The following AGAP1 variants were observed in gnomAD, a reference collection of about 807,000 sequenced individuals.
The protein encoded by AGAP1 is ArfGAP with GTPase domain, ankyrin repeat and PH domain 1, also known as arf-GAP with GTPase, ANK repeat and PH domain-containing protein 1.
AGAP1 carries 29 observed loss-of-function variants against 105.3 expected under a neutral mutation model. The ratio of observed to expected loss-of-function variants is 0.28; its 90% CI spans 0.21 to 0.38. The LOEUF (loss-of-function observed/expected upper bound fraction) is 0.38, where lower values mean the gene tolerates loss of function less well. AGAP1 is among the 10% of genes least tolerant of loss of function. AGAP1 has a pLI of 1.00. For missense variants in AGAP1, 998 were observed against 1,165.1 expected (o/e 0.86, Z 2.09); for synonymous variants, 509 against 485.9 (o/e 1.05, Z -0.63).
chr2:235,895,427 C>T (rs2050755990), intron 10 of AGAP1, among the ~76,000 whole-genome samples: 1 of 152,166 alleles, frequency 6.6e-6, no homozygotes, highest in Non-Finnish European at 1.5e-5. Flanking sequence ...GTTATCTGGC[C>T]TCCGGGTCTT....
chr2:236,030,886 AT>A (rs758760851), intron 13 of AGAP1, among the ~76,000 whole-genome samples: 16 of 152,234 alleles, frequency 1.1e-4, no homozygotes, highest in Admixed American at 4.6e-4. Context: ...AAGGGTACAG[AT>A]TGGCAGATAT....
rs575973491 is a variant in AGAP1 at position 236,130,195 on chromosome 2, C to G, written c.*6073C>G. ...GGGCAGCCGCTCCATGTGCCCCAAA[C>G]AGGATATCCTCATGAATGTGAGGAG... is the stretch of plus-strand genomic sequence containing the variant. On this transcript the variant is annotated 3_prime_UTR_variant, in exon 18 of 18. Transcript: ENST00000304032. This position sits in a 1 kb window ranked among gnomAD's most constrained non-coding sequence, Gnocchi z 5.8. The G allele has an allele frequency of 7.9e-5, 12 of 152,400 alleles. No homozygotes were observed. Among genetic ancestry groups the G allele is most frequent in the Non-Finnish European group, 1.6e-4 (11 of 68,108 alleles). 9.4% of individuals were successfully genotyped at this position (152,400 alleles called of 1,614,324 possible).
chr2:235,807,804 G>T (rs1034253709), intron 9 of AGAP1, among the ~76,000 whole-genome samples: 1 of 152,218 alleles, frequency 6.6e-6, no homozygotes, highest in African/African-American at 2.4e-5. Context: ...CGGTGTGTCA[G>T]CTGTGCGCTC....
chr2:235,925,392 C>T (rs541821930), intron 11 of AGAP1, among the ~76,000 whole-genome samples: 53 of 152,258 alleles, frequency 3.5e-4, no homozygotes, highest in African/African-American at 1.3e-3. Context: ...AATTCTGTAG[C>T]AAAACGGCTG....
Position 235,981,261 on chromosome 2 carries a change from C to CTTAA in AGAP1, c.1645+12643_1645+12646dup, listed in dbSNP as rs946249511. 1.3e-5 allele frequency among the ~76,000 whole-genome samples: 2 copies of CTTAA among 152,108 alleles called. No homozygotes were observed. Among genetic ancestry groups the CTTAA allele is most frequent in the African/African-American group, 4.8e-5 (2 of 41,416 alleles). On this transcript the variant is annotated intron_variant, in intron 13 of 17. Coordinates refer to ENST00000304032, the MANE Select transcript of AGAP1 (RefSeq NM_001037131.3). The surrounding 1 kb of genome is among the most constrained non-coding windows in gnomAD (Gnocchi z 5.5). ...ATTTCAATAACTTGATTTGACTCTT[C>CTTAA]TTAATTAAATAAATAGGTAGCTTTG...
intron 1 of AGAP1, among the ~76,000 whole-genome samples, chr2:235,533,990 A>G (rs1411478756): frequency 1.3e-5 from 2 of 152,226 alleles, no homozygotes; most frequent in Non-Finnish European, 2.9e-5. Flanking sequence ...AGTGGGCTTC[A>G]GGGGAGCCAC....
Position 236,077,521 on chromosome 2 carries a change from A to G in AGAP1, c.2114+28240A>G, listed in dbSNP as rs191015741. Reference sequence around the variant, plus strand: ...TTTAGTAGAGACGGGGTTTCATCATATTGGTCAGGCTTGTCTCAAATTCCT... The same window carrying G: ...TTTAGTAGAGACGGGGTTTCATCATGTTGGTCAGGCTTGTCTCAAATTCCT... On this transcript the variant is annotated intron_variant, in intron 16 of 17. Coordinates refer to ENST00000304032, the MANE Select transcript of AGAP1 (RefSeq NM_001037131.3). 3.3e-4 allele frequency among the ~76,000 whole-genome samples: 50 copies of G among 152,000 alleles called. No homozygotes were observed. The East Asian group carries it at 9.1e-3, about 28-fold the overall frequency.
chr2:236,006,714 G>T lies in AGAP1; in HGVS notation c.1646-29847G>T, dbSNP rs548868324. The stretch of plus-strand genomic sequence containing the variant: ...AGAGTCTCCAACAAAGGTCTCTGTT[G>T]GAGTTACGCTTACAATGTGATAGTT... On this transcript the variant is annotated intron_variant, in intron 13 of 17. Coordinates refer to ENST00000304032, the MANE Select transcript of AGAP1 (RefSeq NM_001037131.3). 4.6e-5 allele frequency among the ~76,000 whole-genome samples: 7 copies of T among 152,230 alleles called. No individual in the cohort carries two copies. In the South Asian group the frequency reaches 1.2e-3, roughly 27 times the overall value.
At chr2:236,039,764 G>A (rs1277649846) in intron 14 of AGAP1, among the ~76,000 whole-genome samples, 1 of 152,168 alleles carries the variant, frequency 6.6e-6, no homozygotes, top group Non-Finnish European at 1.5e-5. Context: ...TATTACGCTG[G>A]CTTTTTAAAG....
intron 6 of AGAP1, among the ~76,000 whole-genome samples, chr2:235,758,145 CATGT>C (rs1268905817): frequency 6.6e-6 from 1 of 151,692 alleles, no homozygotes; most frequent in Non-Finnish European, 1.5e-5. Flanking sequence ...TGCATGCGTG[CATGT>C]GTGTGTGTAT....
At chr2:235,825,569 G>A (rs883521) in intron 9 of AGAP1, among the ~76,000 whole-genome samples, 83,766 of 152,002 alleles carry the variant, frequency 0.55, 23,472 homozygotes, top group Admixed American at 0.6. Context: ...GCTTTTAAAA[G>A]TAGATGGTAG....
chr2:235,857,468 A>G lies in AGAP1; in HGVS notation c.1051-25877A>G, dbSNP rs2048734784. On this transcript the variant is annotated intron_variant, in intron 9 of 17. Coordinates refer to ENST00000304032, the MANE Select transcript of AGAP1 (RefSeq NM_001037131.3). ...CCTCAGACACAGGTTCCTGCCTTGC[A>G]GGGTCCTGACCCCGACCCTCCCGTT... is the stretch of plus-strand genomic sequence containing the variant. Among the ~76,000 whole-genome samples, 4 of 152,212 alleles carry G rather than the reference A, an allele frequency of 2.6e-5. No individual in the cohort carries two copies. In the South Asian group the frequency reaches 6.2e-4, roughly 24 times the overall value.
rs1384616041 is a variant in AGAP1, at chr2:235,901,735, G to A, written c.1156-7003G>A. Among the ~76,000 whole-genome samples, 3 of 152,088 alleles carry A rather than the reference G, an allele frequency of 2.0e-5. No individual in the cohort carries two copies. Among genetic ancestry groups the A allele is most frequent in the Non-Finnish European group, 4.4e-5 (3 of 68,022 alleles). On this transcript the variant is annotated intron_variant, in intron 10 of 17. Coordinates refer to ENST00000304032, the MANE Select transcript of AGAP1 (RefSeq NM_001037131.3). The surrounding 1 kb of genome is among the most constrained non-coding windows in gnomAD (Gnocchi z 4.3). ...ATCTCTACTAAAACTACAGAAATTAGGTGAGCATAGGAACGTGCCTGTAAT... is the reference window on the plus strand; with the variant it reads ...ATCTCTACTAAAACTACAGAAATTAAGTGAGCATAGGAACGTGCCTGTAAT...
intron 6 of AGAP1, among the ~76,000 whole-genome samples, chr2:235,796,357 C>G (rs576662573): frequency 6.6e-6 from 1 of 152,244 alleles, no homozygotes; most frequent in Non-Finnish European, 1.5e-5. Context: ...TCTTCAAAGA[C>G]CCCAGATCAA....
At chr2:235,579,068 C>T (rs1944835900) in intron 1 of AGAP1, among the ~76,000 whole-genome samples, 1 of 152,268 alleles carries the variant, frequency 6.6e-6, no homozygotes, top group Non-Finnish European at 1.5e-5. Context: ...AACCAGGAAA[C>T]CAAATTATCA....
At chr2:235,522,019 C>T (rs539728210) in intron 1 of AGAP1, among the ~76,000 whole-genome samples, 41 of 152,264 alleles carry the variant, frequency 2.7e-4, no homozygotes, top group Non-Finnish European at 5.3e-4. Flanking sequence ...CAGAGAGGCA[C>T]AGCTTGGTTT....
intron 6 of AGAP1, among the ~76,000 whole-genome samples, chr2:235,755,968 C>A (rs535028289): frequency 2.6e-4 from 40 of 152,220 alleles, no homozygotes; most frequent in Middle Eastern, 3.4e-3. Flanking sequence ...TAAATCCTCC[C>A]TTCAGAAGGC....
intron 13 of AGAP1, among the ~76,000 whole-genome samples, chr2:236,026,543 A>G (rs761303165): frequency 6.6e-6 from 1 of 152,220 alleles, no homozygotes; most frequent in Non-Finnish European, 1.5e-5. Flanking sequence ...AGCCTGGCCA[A>G]CATGGCGAAA....
intron 13 of AGAP1, among the ~76,000 whole-genome samples, chr2:236,025,175 A>G (rs1157852853): frequency 1.3e-5 from 2 of 152,196 alleles, no homozygotes; most frequent in Admixed American, 1.3e-4. Context: ...TGCAATTGTC[A>G]CAAATAGGTA....
Sources: allele counts gnomAD v4.1 joint callset (sites outside exome capture counted in the v4.1 genomes callset), GRCh38; gene constraint gnomAD v4.1.1; non-coding constraint Gnocchi (gnomAD v3.1); transcripts MANE v1.5; gene names NCBI Gene and HGNC (gene_info 2026-07-23, HGNC 2026-07-21).